Variants in LDLRAD4 observed in about 807,000 individuals in gnomAD.
The protein encoded by LDLRAD4 is low density lipoprotein receptor class A domain containing 4, also known as low-density lipoprotein receptor class A domain-containing protein 4.
LDLRAD4 carries 5 observed loss-of-function variants against 17.0 expected under a neutral mutation model. That is an observed-to-expected ratio of 0.29 (90% CI 0.15 to 0.62). LDLRAD4 has a LOEUF of 0.62. Ranked by LOEUF, LDLRAD4 falls within the 20% of genes least tolerant of loss-of-function variation. The probability of loss-of-function intolerance (pLI) is 0.84; values close to 1 mark genes in which losing one functional copy is unlikely to be tolerated. For synonymous variants in LDLRAD4, 168 were observed against 171.8 expected (o/e 0.98, Z 0.17); for missense variants, 340 against 424.7 (o/e 0.80, Z 1.75).
intron 1 of LDLRAD4, among the ~76,000 whole-genome samples, chr18:13,226,487 A>G (rs2041812720): frequency 1.3e-5 from 2 of 151,950 alleles, no homozygotes; most frequent in Admixed American, 6.6e-5. Context: ...TCAATGCCGA[A>G]TATTATTTAA....
chr18:13,603,522 T>C (rs1475089226), intron 3 of LDLRAD4, among the ~76,000 whole-genome samples: 1 of 152,246 alleles, frequency 6.6e-6, no homozygotes, highest in Admixed American at 6.5e-5. Context: ...TACTTAACCT[T>C]TCTGTGCCTC....
At chr18:13,448,594 G>T (rs1046654353) in intron 3 of LDLRAD4, among the ~76,000 whole-genome samples, 33 of 152,074 alleles carry the variant, frequency 2.2e-4, no homozygotes, top group African/African-American at 5.5e-4. Context: ...GACTCCCAGT[G>T]TAAGTGTGGT....
intron 3 of LDLRAD4, among the ~76,000 whole-genome samples, chr18:13,485,872 T>C (rs2093210625): frequency 6.6e-6 from 1 of 152,180 alleles, no homozygotes; most frequent in African/African-American, 2.4e-5. Context: ...GAGCAAGACC[T>C]TGTCCCTAAG....
intron 3 of LDLRAD4, chr18:13,484,242 A>C (rs989216939): frequency 2.0e-5 from 3 of 152,386 alleles, no homozygotes; most frequent in Admixed American, 2.0e-4. Context: ...AGGAAGACGA[A>C]AACACAGAGC....
chr18:13,418,592 C>A lies in LDLRAD4; in HGVS notation c.41-19652C>A, dbSNP rs926696158. The stretch of plus-strand genomic sequence containing the variant: ...CCTTGGGTTTTATGTGTTCAACTTT[C>A]GACCAACCTGCACTTTGGCACATTG... On this transcript the variant is annotated intron_variant, in intron 2 of 5. Transcript: ENST00000359446. 2.0e-5 allele frequency among the ~76,000 whole-genome samples: 3 copies of A among 152,192 alleles called. No individual in the cohort carries two copies. In the East Asian group the frequency reaches 5.8e-4, roughly 29 times the overall value.
chr18:13,412,705 A>T (rs2088492594), intron 2 of LDLRAD4, among the ~76,000 whole-genome samples: 1 of 152,184 alleles, frequency 6.6e-6, no homozygotes, highest in African/African-American at 2.4e-5. Context: ...GCATTTCTAG[A>T]TTATGAGCTC....
chr18:13,631,433 C>T (rs1319166718), intron 4 of LDLRAD4, among the ~76,000 whole-genome samples: 16 of 152,168 alleles, frequency 1.1e-4, no homozygotes, highest in Admixed American at 8.5e-4. Context: ...AAAGAATTGA[C>T]ATCAATCCTT....
intron 1 of LDLRAD4, among the ~76,000 whole-genome samples, chr18:13,339,882 A>G (rs1360721761): frequency 1.3e-5 from 2 of 152,112 alleles, no homozygotes; most frequent in Non-Finnish European, 2.9e-5. Flanking sequence ...ACCACCATCT[A>G]TCTTCAGAAC....
intron 3 of LDLRAD4, among the ~76,000 whole-genome samples, chr18:13,609,184 G>A (rs1278276853): frequency 6.6e-6 from 1 of 152,164 alleles, no homozygotes; most frequent in Non-Finnish European, 1.5e-5. Flanking sequence ...TCTGCTATGT[G>A]TGCTGCCATT....
intron 1 of LDLRAD4, among the ~76,000 whole-genome samples, chr18:13,247,704 C>T (rs906208131): frequency 1.2e-4 from 19 of 152,160 alleles, no homozygotes; most frequent in Middle Eastern, 3.4e-3. Flanking sequence ...TTGTGCCTGG[C>T]GGTGTGCTTG....
intron 3 of LDLRAD4, among the ~76,000 whole-genome samples, chr18:13,513,350 TCA>T (rs2093812314): frequency 6.6e-6 from 1 of 152,252 alleles, no homozygotes; most frequent in South Asian, 2.1e-4. Context: ...AGTAAGCAAG[TCA>T]CATTTTCCGT....
intron 3 of LDLRAD4, chr18:13,615,273 T>A (rs576315217): frequency 6.6e-6 from 1 of 152,214 alleles, no homozygotes; most frequent in Non-Finnish European, 1.5e-5. Context: ...GGCCCAGACC[T>A]TGCCCCCTGA....
At chr18:13,329,749 T>G (rs1225551760) in intron 1 of LDLRAD4, among the ~76,000 whole-genome samples, 2 of 152,214 alleles carry the variant, frequency 1.3e-5, no homozygotes, top group South Asian at 4.1e-4. Context: ...CCAATATCAT[T>G]TATTGCCTAA....
At position 13,387,564 on chromosome 18, in the gene LDLRAD4, C is replaced by T. The variant is rs979621580; in HGVS notation, c.-159C>T. Reference sequence around the variant, plus strand: ...GCCACACCCAGGTACCGCCCGCCCGCGCGAGAGCCGGGCAGGTGGGCCGCG... The same window carrying T: ...GCCACACCCAGGTACCGCCCGCCCGTGCGAGAGCCGGGCAGGTGGGCCGCG... On this transcript the variant is annotated 5_prime_UTR_variant, in exon 2 of 6. Coordinates refer to ENST00000359446, the Ensembl canonical transcript of LDLRAD4. 2.8e-4 allele frequency: 186 copies of T among 666,216 alleles called. 2 individuals are homozygous for T. In the East Asian group the frequency reaches 4.0e-3, roughly 14 times the overall value. 41.3% of individuals were successfully genotyped at this position (666,216 alleles called of 1,614,324 possible). A position where few individuals can be genotyped will look rare whatever the true frequency, so the allele number is the denominator to read the frequency against.
chr18:13,571,111 C>T (rs748828449), intron 3 of LDLRAD4, among the ~76,000 whole-genome samples: 33 of 152,282 alleles, frequency 2.2e-4, no homozygotes, highest in Admixed American at 1.6e-3. Context: ...TGAGCCACCA[C>T]GCCTGGCATG....
chr18:13,321,861 C>CAAA lies in LDLRAD4; in HGVS notation c.-383+43712_-383+43714dup, dbSNP rs57033432. 4.9e-3 allele frequency among the ~76,000 whole-genome samples: 306 copies of CAAA among 62,096 alleles called. 46 individuals carry two copies. The highest frequency in any genetic ancestry group is 6.5e-3 in the East Asian group (6 of 918). The allele number at this position is 62,096 out of a possible 152,430, so 40.7% of individuals were successfully genotyped here. A position where few individuals can be genotyped will look rare whatever the true frequency, so the allele number is the denominator to read the frequency against. ...AGGCAACAACAGCGAGACTCCGTCT[C>CAAA]AAAAAAAAAAAAAAAAAAAAAAAAA... is the stretch of plus-strand genomic sequence containing the variant. On this transcript the variant is annotated intron_variant, in intron 1 of 5. Transcript: ENST00000359446.
chr18:13,303,208 A>G (rs959474850), intron 1 of LDLRAD4, among the ~76,000 whole-genome samples: 1 of 152,136 alleles, frequency 6.6e-6, no homozygotes, highest in African/African-American at 2.4e-5. Context: ...GTCTCGTCAG[A>G]TCCGTTGAGG....
At position 13,309,360 on chromosome 18, in the gene LDLRAD4, G is replaced by A. The variant is rs1015711386; in HGVS notation, c.-383+31172G>A. On this transcript the variant is annotated intron_variant, in intron 1 of 5. Coordinates refer to ENST00000359446, the Ensembl canonical transcript of LDLRAD4. Reference sequence around the variant, plus strand: ...TGAGCCGGATGATGATGACTTCGCCGGTGAAAAGCAAATCCCAAATAGGTT... The same window carrying A: ...TGAGCCGGATGATGATGACTTCGCCAGTGAAAAGCAAATCCCAAATAGGTT... Among the ~76,000 whole-genome samples the A allele has an allele frequency of 4.6e-5, 7 of 152,262 alleles. No homozygotes were observed. In the East Asian group the frequency reaches 1.2e-3, roughly 25 times the overall value.
chr18:13,222,293 T>G (rs930614167), intron 1 of LDLRAD4, among the ~76,000 whole-genome samples: 11 of 152,172 alleles, frequency 7.2e-5, no homozygotes, highest in Admixed American at 7.2e-4. Context: ...TGGGTTCTTT[T>G]GTTGTTGGTT....
Sources: allele counts gnomAD v4.1 joint callset (sites outside exome capture counted in the v4.1 genomes callset), GRCh38; gene constraint gnomAD v4.1.1; transcripts MANE v1.5; gene names NCBI Gene and HGNC (gene_info 2026-07-23, HGNC 2026-07-21).